Variants in KIAA1328 observed in about 807,000 individuals in gnomAD.
The protein encoded by KIAA1328 is KIAA1328.
A neutral mutation model predicts 68.1 loss-of-function variants in KIAA1328; 52 were observed. The ratio of observed to expected loss-of-function variants is 0.76; its 90% CI spans 0.61 to 0.96. The LOEUF (loss-of-function observed/expected upper bound fraction) is 0.96. Ranked by LOEUF, KIAA1328 falls within the 40% of genes least tolerant of loss-of-function variation. KIAA1328 has a pLI of 0.00. For synonymous variants in KIAA1328, 232 were observed against 239.4 expected, an observed-to-expected ratio of 0.97 and a Z score of 0.28; for missense variants, 641 against 677.6, an observed-to-expected ratio of 0.95 and a Z score of 0.60.
intron 6 of KIAA1328, among the ~76,000 whole-genome samples, chr18:36,985,412 A>G (rs2052876872): frequency 6.6e-6 from 1 of 152,220 alleles, no homozygotes; most frequent in South Asian, 2.1e-4. Context: ...TAGAAAACCC[A>G]AAACAATGTT....
chr18:36,981,581 A>T (rs371880147), intron 6 of KIAA1328, among the ~76,000 whole-genome samples: 1 of 151,950 alleles, frequency 6.6e-6, no homozygotes, highest in East Asian at 1.9e-4. Context: ...AAGAGACACA[A>T]ATTGAACTCT....
intron 6 of KIAA1328, among the ~76,000 whole-genome samples, chr18:36,963,496 T>C (rs1225239162): frequency 6.6e-6 from 1 of 152,186 alleles, no homozygotes; most frequent in Non-Finnish European, 1.5e-5. Context: ...TAAAGACATG[T>C]GGAAAAGACT....
rs537984364 is a variant in KIAA1328, at chr18:36,876,485, A to G, written c.333-9072A>G. 3.9e-5 allele frequency among the ~76,000 whole-genome samples: 6 copies of G among 152,190 alleles called. No individual in the cohort carries two copies. The East Asian group carries it at 7.7e-4, about 20-fold the overall frequency. On this transcript the variant is annotated intron_variant, in intron 4 of 9. Coordinates refer to ENST00000280020, the MANE Select transcript of KIAA1328 (RefSeq NM_020776.3). Reference sequence around the variant, plus strand: ...GTAGAGGTGTTTATAGTATTCTCTGATGGTAATTTGTATTTCTATGGGATC... The same window carrying G: ...GTAGAGGTGTTTATAGTATTCTCTGGTGGTAATTTGTATTTCTATGGGATC...
intron 7 of KIAA1328, among the ~76,000 whole-genome samples, chr18:37,115,214 A>T (rs1409517696): frequency 1.3e-5 from 2 of 152,222 alleles, no homozygotes; most frequent in Non-Finnish European, 2.9e-5. Flanking sequence ...ATGACAAAGA[A>T]AGAGATTTTT....
intron 6 of KIAA1328, among the ~76,000 whole-genome samples, chr18:36,990,501 T>TC (rs1435150409): frequency 4.6e-5 from 7 of 151,786 alleles, no homozygotes; most frequent in African/African-American, 1.7e-4. Flanking sequence ...ATGGTGAAAC[T>TC]CCATCTCTCC....
intron 6 of KIAA1328, among the ~76,000 whole-genome samples, chr18:37,018,045 G>A (rs369896811): frequency 2.0e-4 from 31 of 152,044 alleles, no homozygotes; most frequent in Middle Eastern, 3.4e-3. Context: ...TGTGTTTTTG[G>A]TTTATAGTCT....
chr18:37,041,119 G>A (rs1172101998), intron 6 of KIAA1328, among the ~76,000 whole-genome samples: 3 of 151,884 alleles, frequency 2.0e-5, no homozygotes, highest in African/African-American at 7.2e-5. Flanking sequence ...TTTTTGTTTA[G>A]TTGTTCCAGC....
chr18:37,192,953 A>T (rs1453698031), intron 9 of KIAA1328, among the ~76,000 whole-genome samples: 1 of 152,220 alleles, frequency 6.6e-6, no homozygotes, highest in Non-Finnish European at 1.5e-5. Flanking sequence ...AATTCTTCTT[A>T]AATAATTTTA....
At chr18:37,183,974 C>T (rs963730756) in intron 9 of KIAA1328, among the ~76,000 whole-genome samples, 1 of 152,166 alleles carries the variant, frequency 6.6e-6, no homozygotes, top group Non-Finnish European at 1.5e-5. Context: ...AGGATGTGGA[C>T]GTTATGAGCA....
chr18:36,977,263 C>T lies in KIAA1328; in HGVS notation c.576+17828C>T, dbSNP rs535202355. 3.9e-5 allele frequency among the ~76,000 whole-genome samples: 6 copies of T among 152,238 alleles called. 1 individual carries two copies. In the South Asian group the frequency reaches 1.2e-3, roughly 32 times the overall value. ...CTGTCATTGGCATCGTGAGGTAATCCTTTTCTCATTGGCTAGCTAACTGTG... is the reference window on the plus strand; with the variant it reads ...CTGTCATTGGCATCGTGAGGTAATCTTTTTCTCATTGGCTAGCTAACTGTG... On this transcript the variant is annotated intron_variant, in intron 6 of 9. Transcript: ENST00000280020.
chr18:36,983,808 C>CA (rs1473262762), intron 6 of KIAA1328, among the ~76,000 whole-genome samples: 2 of 151,958 alleles, frequency 1.3e-5, no homozygotes, highest in Non-Finnish European at 2.9e-5. Flanking sequence ...AAACCAAAGA[C>CA]AAAAAAATTG....
At chr18:37,039,543 G>T (rs949825747) in intron 6 of KIAA1328, among the ~76,000 whole-genome samples, 1 of 151,976 alleles carries the variant, frequency 6.6e-6, no homozygotes, top group African/African-American at 2.4e-5. Flanking sequence ...CTCTTGAGTA[G>T]CTGGGACTAC....
chr18:37,144,565 C>T (rs571908446), intron 7 of KIAA1328, among the ~76,000 whole-genome samples: 4 of 152,196 alleles, frequency 2.6e-5, no homozygotes, highest in South Asian at 4.2e-4. Context: ...GAGACAGGGT[C>T]TAAGTCTGTC....
At chr18:36,966,869 T>G (rs1234518366) in intron 6 of KIAA1328, among the ~76,000 whole-genome samples, 1 of 152,200 alleles carries the variant, frequency 6.6e-6, no homozygotes, top group Non-Finnish European at 1.5e-5. Context: ...CTGATCAGAA[T>G]TCCAGCAGAT....
chr18:36,830,675 C>A (rs1204671895), intron 1 of KIAA1328, among the ~76,000 whole-genome samples: 1 of 152,162 alleles, frequency 6.6e-6, no homozygotes, highest in Non-Finnish European at 1.5e-5. Flanking sequence ...CCAGTACTTT[C>A]ACTTACTCAT....
intron 4 of KIAA1328, among the ~76,000 whole-genome samples, chr18:36,879,032 C>G (rs1237820918): frequency 6.6e-6 from 1 of 152,152 alleles, no homozygotes. Context: ...TCGTCAAACT[C>G]ATTCTTTGTC....
At chr18:37,073,603 G>T (rs2056609241) in intron 7 of KIAA1328, among the ~76,000 whole-genome samples, 1 of 151,952 alleles carries the variant, frequency 6.6e-6, no homozygotes, top group Non-Finnish European at 1.5e-5. Context: ...CAAATTTCTG[G>T]TTCTTTCATT....
intron 8 of KIAA1328, among the ~76,000 whole-genome samples, chr18:37,172,207 G>A (rs2059513415): frequency 6.6e-6 from 1 of 152,158 alleles, no homozygotes; most frequent in South Asian, 2.1e-4. Flanking sequence ...CCGGATAACA[G>A]TTTTCAGAGA....
At chr18:37,229,683 G>C (rs1489183408), downstream of KIAA1328, 1 of 480,272 alleles carries the variant, frequency 2.1e-6, no homozygotes, top group African/African-American at 2.1e-5. Flanking sequence ...GACCATCCTG[G>C]CTAACACGGT....
Sources: allele counts gnomAD v4.1 joint callset (sites outside exome capture counted in the v4.1 genomes callset), GRCh38; gene constraint gnomAD v4.1.1; transcripts MANE v1.5; gene names NCBI Gene and HGNC (gene_info 2026-07-23, HGNC 2026-07-21).